The following STAU2 variants were observed in gnomAD, a reference collection of about 807,000 sequenced individuals.
STAU2 encodes double-stranded RNA-binding protein Staufen homolog 2.
STAU2 carries 20 observed loss-of-function variants against 65.9 expected under a neutral mutation model. The observed-to-expected ratio is 0.30, with a 90% confidence interval of 0.21 to 0.44. The LOEUF is 0.44. Among genes scored for constraint, STAU2 ranks in the 20% least tolerant of loss-of-function variants. The pLI is 1.00. For missense variants in STAU2, 558 were observed against 683.9 expected, an observed-to-expected ratio of 0.82 and a Z score of 2.05; for synonymous variants, 232 against 233.9, an observed-to-expected ratio of 0.99 and a Z score of 0.07.
intron 13 of STAU2, among the ~76,000 whole-genome samples, chr8:73,513,551 T>C (rs182679586): frequency 6.6e-6 from 1 of 152,152 alleles, no homozygotes; most frequent in East Asian, 1.9e-4. Flanking sequence ...CCAGGGTGTA[T>C]AGGTAGCTTG....
intron 11 of STAU2, among the ~76,000 whole-genome samples, chr8:73,594,425 G>A (rs1811039755): frequency 6.6e-6 from 1 of 152,138 alleles, no homozygotes; most frequent in African/African-American, 2.4e-5. Context: ...CTGGTCTAAA[G>A]CATATTACTT....
At chr8:73,747,152 G>T, upstream of STAU2, 1 of 464,734 alleles carries the variant, frequency 2.2e-6, no homozygotes, top group Non-Finnish European at 3.7e-6. Context: ...GGCGAGCTGG[G>T]CCCCTGGGCG....
chr8:73,523,512 T>C (rs1441326194), intron 13 of STAU2, among the ~76,000 whole-genome samples: 2 of 152,150 alleles, frequency 1.3e-5, no homozygotes, highest in Non-Finnish European at 2.9e-5. Flanking sequence ...CAGTCATGTT[T>C]CTACCACCAC....
chr8:73,528,055 C>T (rs1438634277), intron 13 of STAU2, among the ~76,000 whole-genome samples: 4 of 152,146 alleles, frequency 2.6e-5, no homozygotes, highest in Non-Finnish European at 5.9e-5. Flanking sequence ...AAATTCACAA[C>T]TAAATGCTAT....
At chr8:73,578,879 AT>A (rs1809775386) in intron 12 of STAU2, among the ~76,000 whole-genome samples, 1 of 152,184 alleles carries the variant, frequency 6.6e-6, no homozygotes, top group African/African-American at 2.4e-5. Context: ...CCCAAAGGGA[AT>A]TTGTTCAGGG....
chr8:73,628,873 C>G (rs1813883861), intron 6 of STAU2, among the ~76,000 whole-genome samples: 2 of 152,196 alleles, frequency 1.3e-5, no homozygotes, highest in Non-Finnish European at 2.9e-5. Flanking sequence ...ATTACAACGT[C>G]CAGCCCAGGC....
chr8:73,503,729 G>A lies in STAU2; in HGVS notation c.1530+48283C>T, dbSNP rs886363775. ...TAAATAATTAAACAAGTGATGCAAC[G>A]TTAATATCTGAGCATGTACTTCAGG... On this transcript the variant is annotated intron_variant, in intron 13 of 14. Coordinates refer to ENST00000524300, the MANE Select transcript of STAU2 (RefSeq NM_001164380.2). Among the ~76,000 whole-genome samples the A allele has an allele frequency of 3.9e-5, 6 of 152,020 alleles. No homozygotes were observed. In the East Asian group the frequency reaches 9.7e-4, roughly 24 times the overall value.
intron 13 of STAU2, among the ~76,000 whole-genome samples, chr8:73,486,819 ATTTT>A (rs1255220112): frequency 6.6e-6 from 1 of 151,204 alleles, no homozygotes. Flanking sequence ...CACCTGGATG[ATTTT>A]TTTATTTTTT....
chr8:73,629,726 T>A (rs564131454), intron 6 of STAU2, among the ~76,000 whole-genome samples: 3 of 152,252 alleles, frequency 2.0e-5, no homozygotes, highest in African/African-American at 7.2e-5. Context: ...TTTACTGGAA[T>A]TATACAGATG....
chr8:73,709,328 AT>A (rs1394226452), intron 3 of STAU2, among the ~76,000 whole-genome samples, 166 bp from the exon 4 acceptor site: 1 of 152,150 alleles, frequency 6.6e-6, no homozygotes, highest in African/African-American at 2.4e-5. Flanking sequence ...CAACAGAAAT[AT>A]GTATCACATT....
intron 13 of STAU2, among the ~76,000 whole-genome samples, chr8:73,529,877 C>T (rs1805693810): frequency 1.3e-5 from 2 of 152,162 alleles, no homozygotes; most frequent in South Asian, 4.1e-4. Flanking sequence ...TAGCCAGGCA[C>T]TTGGAAGCTC....
At chr8:73,493,652 T>C (rs1821252112) in intron 13 of STAU2, among the ~76,000 whole-genome samples, 1 of 151,730 alleles carries the variant, frequency 6.6e-6, no homozygotes, top group African/African-American at 2.4e-5. Flanking sequence ...ATGTAGCAAC[T>C]GGAAGTTTCA....
rs1441040813 is a variant in STAU2 at position 73,460,592 on chromosome 8, C to G, written c.1531-37890G>C. Reference sequence around the variant, plus strand: ...GCCTAAGTGGCAGGGATGACTTGTTCTCTGCTAAGGCTCTGAGTACTCTTA... The same window carrying G: ...GCCTAAGTGGCAGGGATGACTTGTTGTCTGCTAAGGCTCTGAGTACTCTTA... On this transcript the variant is annotated intron_variant, in intron 13 of 14. Coordinates refer to ENST00000524300, the MANE Select transcript of STAU2 (RefSeq NM_001164380.2). 5.3e-5 allele frequency among the ~76,000 whole-genome samples: 8 copies of G among 152,142 alleles called. No homozygotes were observed. In the East Asian group the frequency reaches 1.5e-3, roughly 29 times the overall value.
chr8:73,706,874 T>C (rs1820538400), intron 4 of STAU2, among the ~76,000 whole-genome samples: 1 of 152,146 alleles, frequency 6.6e-6, no homozygotes, highest in South Asian at 2.1e-4. Flanking sequence ...GACAAGGAGA[T>C]AGATAAAAGG....
intron 6 of STAU2, among the ~76,000 whole-genome samples, chr8:73,640,378 T>C (rs1325931003): frequency 6.6e-6 from 1 of 152,174 alleles, no homozygotes; most frequent in Non-Finnish European, 1.5e-5. Flanking sequence ...GCTTCCTATA[T>C]TGGATATACC....
chr8:73,460,654 T>C (rs1585802245), intron 13 of STAU2, among the ~76,000 whole-genome samples: 1 of 152,326 alleles, frequency 6.6e-6, no homozygotes, highest in African/African-American at 2.4e-5. Flanking sequence ...GTCTTGTGCA[T>C]TCTCTAGTTG....
intron 6 of STAU2, chr8:73,651,603 C>A: frequency 1.5e-6 from 1 of 676,450 alleles, no homozygotes; most frequent in Non-Finnish European, 2.6e-6. Flanking sequence ...CTGATGCTGT[C>A]CCCTGGCTCC....
At chr8:73,747,039 T>G (rs1807340838), upstream of STAU2, 3 of 215,208 alleles carry the variant, frequency 1.4e-5, no homozygotes, top group Non-Finnish European at 2.4e-5. Context: ...CCACTCCGCC[T>G]CCCGCCGGCC....
intron 13 of STAU2, among the ~76,000 whole-genome samples, chr8:73,425,352 A>G (rs1489765378): frequency 6.6e-6 from 1 of 152,214 alleles, no homozygotes; most frequent in African/African-American, 2.4e-5. Context: ...AGATGGTGGT[A>G]GGGGCTGGAG....
Sources: gnomAD v4.1 joint callset for allele counts (sites outside exome capture counted in the v4.1 genomes callset) on GRCh38, gnomAD v4.1.1 for gene constraint, MANE v1.5 for transcripts, NCBI Gene and HGNC (gene_info 2026-07-23, HGNC 2026-07-21) for gene names.